EBF2: variants seen among roughly 807,000 people sequenced by gnomAD.
EBF2 encodes the protein EBF transcription factor 2.
EBF2 carries 21 observed loss-of-function variants against 72.8 expected under a neutral mutation model. The observed-to-expected ratio is 0.29, with a 90% CI of 0.20 to 0.42. The LOEUF (loss-of-function observed/expected upper bound fraction) is 0.42. Ranked by LOEUF, EBF2 falls within the 10% of genes least tolerant of loss-of-function variation. The pLI, the probability that EBF2 is intolerant of heterozygous loss-of-function variation, is 1.00. For synonymous variants in EBF2, 299 were observed against 274.2 expected, an observed-to-expected ratio of 1.09 and a Z score of -0.89; for missense variants, 637 against 731.2, an observed-to-expected ratio of 0.87 and a Z score of 1.49.
At chr8:26,030,814 C>T (rs1805389549) in intron 6 of EBF2, among the ~76,000 whole-genome samples, 1 of 152,186 alleles carries the variant, frequency 6.6e-6, no homozygotes, top group Admixed American at 6.5e-5. Flanking sequence ...TCATAATCTG[C>T]AGCCAAGATA....
intron 13 of EBF2, among the ~76,000 whole-genome samples, chr8:25,859,378 C>T (rs957834089): frequency 6.6e-6 from 1 of 152,138 alleles, no homozygotes; most frequent in African/African-American, 2.4e-5. Context: ...GTTTTAGAAA[C>T]GTCAGTTCCA....
chr8:26,018,346 G>T (rs1195574007), intron 6 of EBF2, among the ~76,000 whole-genome samples: 4 of 151,424 alleles, frequency 2.6e-5, no homozygotes, highest in Non-Finnish European at 4.4e-5. Context: ...GGAGCAGAGA[G>T]ACTGTAAAGA....
intron 6 of EBF2, among the ~76,000 whole-genome samples, chr8:26,011,111 A>C (rs1180625585): frequency 6.6e-6 from 1 of 152,168 alleles, no homozygotes; most frequent in African/African-American, 2.4e-5. Flanking sequence ...TCAGCTTAGC[A>C]CTTTATGGAT....
At chr8:26,032,444 T>C (rs1288772696) in intron 6 of EBF2, 1 of 151,928 alleles carries the variant, frequency 6.6e-6, no homozygotes, top group Non-Finnish European at 1.5e-5. Flanking sequence ...TTCTTAAAAA[T>C]TACATGATTT....
intron 14 of EBF2, among the ~76,000 whole-genome samples, chr8:25,853,567 G>A (rs567823921): frequency 2.0e-5 from 3 of 152,162 alleles, no homozygotes; most frequent in African/African-American, 4.8e-5. Context: ...AACCTCTCTG[G>A]AGGGTCTTTG....
chr8:25,996,221 G>A (rs1804628338), intron 6 of EBF2, among the ~76,000 whole-genome samples: 1 of 151,162 alleles, frequency 6.6e-6, no homozygotes, highest in South Asian at 2.1e-4. Flanking sequence ...CTTGAGCCCA[G>A]GAGGTGAAGG....
intron 15 of EBF2, among the ~76,000 whole-genome samples, chr8:25,845,276 C>G (rs536404204): frequency 6.6e-6 from 1 of 152,276 alleles, no homozygotes; most frequent in Admixed American, 6.5e-5. Flanking sequence ...TTCTGTCACC[C>G]AGGCTGGAGT....
chr8:26,004,472 C>T (rs149492218), intron 6 of EBF2, among the ~76,000 whole-genome samples: 85 of 152,016 alleles, frequency 5.6e-4, no homozygotes, highest in African/African-American at 2.0e-3. Context: ...GTCAGGAGTT[C>T]GAGACCAGCC....
At chr8:25,845,285 G>C (rs1206298615) in intron 15 of EBF2, among the ~76,000 whole-genome samples, 1 of 152,130 alleles carries the variant, frequency 6.6e-6, no homozygotes, top group Non-Finnish European at 1.5e-5. Context: ...CCAGGCTGGA[G>C]TGCAGTGGGG....
At chr8:26,007,692 G>A (rs1270506846) in intron 6 of EBF2, among the ~76,000 whole-genome samples, 1 of 152,058 alleles carries the variant, frequency 6.6e-6, no homozygotes, top group Non-Finnish European at 1.5e-5. Context: ...CAGAGCTGGA[G>A]CCAGGCTGCA....
At chr8:26,043,449 T>TG (rs1805643070) in intron 1 of EBF2, among the ~76,000 whole-genome samples, 2 of 152,220 alleles carry the variant, frequency 1.3e-5, no homozygotes, top group Non-Finnish European at 2.9e-5. Context: ...GCTAAGGAAA[T>TG]GCGCGGCACA....
At chr8:25,905,030 C>A (rs1161048164) in intron 7 of EBF2, among the ~76,000 whole-genome samples, 1 of 151,998 alleles carries the variant, frequency 6.6e-6, no homozygotes, top group Non-Finnish European at 1.5e-5. Flanking sequence ...AAAAAATGGG[C>A]AAAGGATTTA....
intron 10 of EBF2, among the ~76,000 whole-genome samples, chr8:25,871,237 G>T (rs1416040815): frequency 6.6e-6 from 1 of 152,020 alleles, no homozygotes; most frequent in Non-Finnish European, 1.5e-5. Flanking sequence ...AGCTCAATTA[G>T]CTAATGAGGT....
intron 6 of EBF2, among the ~76,000 whole-genome samples, chr8:25,952,318 G>A (rs540129280): frequency 1.3e-5 from 2 of 151,942 alleles, no homozygotes; most frequent in African/African-American, 4.8e-5. Flanking sequence ...TTGGCCTACT[G>A]TAATTATTTA....
chr8:26,002,880 GGGCA>G lies in EBF2; in HGVS notation c.551+30201_551+30204del, dbSNP rs1370266765. Among the ~76,000 whole-genome samples, 13 of 88,064 alleles carry G rather than the reference GGGCA, an allele frequency of 1.5e-4. No individual in the cohort carries two copies. The South Asian group carries it at 1.7e-3, about 12-fold the overall frequency. The allele number at this position is 88,064 out of a possible 152,430, so 57.8% of individuals were successfully genotyped here. On this transcript the variant is annotated intron_variant, in intron 6 of 15. Coordinates refer to ENST00000520164, the MANE Select transcript of EBF2 (RefSeq NM_022659.4). The stretch of plus-strand genomic sequence containing the variant: ...CGGGCAGGCGGGCAGGCGGGCAGGC[GGGCA>G]GGCGGGCAGGCAGGCGGGCAGGCGG...
At chr8:25,965,588 A>T (rs1804102339) in intron 6 of EBF2, among the ~76,000 whole-genome samples, 1 of 152,184 alleles carries the variant, frequency 6.6e-6, no homozygotes, top group Non-Finnish European at 1.5e-5. Context: ...TCAGCAGGAG[A>T]TGACAGACAG....
intron 10 of EBF2, among the ~76,000 whole-genome samples, chr8:25,863,685 TA>T (rs548840093): frequency 6.3e-4 from 96 of 151,948 alleles, no homozygotes; most frequent in Non-Finnish European, 1.2e-3. Context: ...ATTTCCTCTT[TA>T]ATCTTATTTT....
At chr8:25,956,421 T>C (rs2117174316) in intron 6 of EBF2, among the ~76,000 whole-genome samples, 1 of 151,748 alleles carries the variant, frequency 6.6e-6, no homozygotes, top group South Asian at 2.1e-4. Context: ...AAAAAAAAAT[T>C]ATTATTATTA....
chr8:25,961,618 C>T (rs1382750618), intron 6 of EBF2, among the ~76,000 whole-genome samples: 1 of 152,146 alleles, frequency 6.6e-6, no homozygotes, highest in Non-Finnish European at 1.5e-5. Context: ...ACCTCGGCCT[C>T]CCAAAGTGCT....
Sources: gnomAD v4.1 joint callset for allele counts (sites outside exome capture counted in the v4.1 genomes callset) on GRCh38, gnomAD v4.1.1 for gene constraint, MANE v1.5 for transcripts, NCBI Gene and HGNC (gene_info 2026-07-23, HGNC 2026-07-21) for gene names.